Variants in ATRNL1 observed in about 807,000 individuals in gnomAD.
ATRNL1 encodes attractin like 1.
ATRNL1 carries 95 observed loss-of-function variants against 182.7 expected under a neutral mutation model. The ratio of observed to expected loss-of-function variants is 0.52; its 90% CI spans 0.44 to 0.62. The LOEUF (loss-of-function observed/expected upper bound fraction) is 0.62, where lower values mean the gene tolerates loss of function less well. Among genes scored for constraint, ATRNL1 ranks in the 20% least tolerant of loss-of-function variants. The probability of loss-of-function intolerance (pLI) is 0.00; values close to 1 mark genes in which losing one functional copy is unlikely to be tolerated. For missense variants in ATRNL1, 1,471 were observed against 1,679.5 expected (o/e 0.88, Z 2.17); for synonymous variants, 576 against 568.3 (o/e 1.01, Z -0.19).
rs1221036383 is a variant in ATRNL1 at position 115,801,691 on chromosome 10, A to G, written c.3904-46186A>G. 2.6e-5 allele frequency among the ~76,000 whole-genome samples: 4 copies of G among 152,182 alleles called. No homozygotes were observed. In the South Asian group the frequency reaches 8.3e-4, roughly 31 times the overall value. On this transcript the variant is annotated intron_variant, in intron 27 of 28. Transcript: ENST00000355044. ...TTACTTTTTAGCTGTCTTTGTTAAC[A>G]TGACTTTACTGTCCTACTGTCTTCA...
chr10:115,114,610 A>G (rs1317862442), intron 1 of ATRNL1, among the ~76,000 whole-genome samples: 3 of 152,224 alleles, frequency 2.0e-5, no homozygotes, highest in South Asian at 4.1e-4. Flanking sequence ...AAAAGAAAAC[A>G]TACAAAAGGT....
intron 19 of ATRNL1, among the ~76,000 whole-genome samples, chr10:115,361,836 G>A (rs925889602): frequency 6.6e-6 from 1 of 151,896 alleles, no homozygotes; most frequent in Non-Finnish European, 1.5e-5. Flanking sequence ...CTATTTTCTG[G>A]AAGATTCCAG....
Position 115,215,678 on chromosome 10 carries a change from T to C in ATRNL1, c.1349-19T>C, listed in dbSNP as rs1025731828. 1.7e-5 allele frequency: 26 copies of C among 1,549,434 alleles called. 1 individual carries two copies. The East Asian group carries it at 5.2e-4, about 31-fold the overall frequency. On this transcript the variant is annotated intron_variant, in intron 8 of 28. Transcript: ENST00000355044. The stretch of plus-strand genomic sequence containing the variant: ...AAAATACTACTTGAAATTTATAATG[T>C]ATTTTATTTCTGTTACAGCATCAAA...
intron 28 of ATRNL1, among the ~76,000 whole-genome samples, chr10:115,928,962 CAA>C (rs1222067866): frequency 6.6e-6 from 1 of 151,922 alleles, no homozygotes; most frequent in Non-Finnish European, 1.5e-5. Flanking sequence ...TTGTCCAAAA[CAA>C]AGTTATTTTC....
intron 26 of ATRNL1, among the ~76,000 whole-genome samples, chr10:115,707,220 G>C (rs1032938802): frequency 6.6e-6 from 1 of 151,568 alleles, no homozygotes; most frequent in Admixed American, 6.6e-5. Flanking sequence ...CACTCTTATC[G>C]TATCAGTCTA....
chr10:115,724,381 G>A (rs1279963318), intron 26 of ATRNL1, among the ~76,000 whole-genome samples: 4 of 152,024 alleles, frequency 2.6e-5, no homozygotes, highest in Non-Finnish European at 5.9e-5. Flanking sequence ...AAGAAAATGG[G>A]CCTGTGGTAA....
intron 8 of ATRNL1, among the ~76,000 whole-genome samples, chr10:115,214,057 C>T (rs200439187): frequency 1.3e-5 from 2 of 151,164 alleles, no homozygotes; most frequent in East Asian, 1.9e-4. Flanking sequence ...CACACACACA[C>T]ACACACACAC....
At chr10:115,479,190 C>T (rs1384677693) in intron 24 of ATRNL1, among the ~76,000 whole-genome samples, 3 of 151,408 alleles carry the variant, frequency 2.0e-5, no homozygotes, top group African/African-American at 7.3e-5. Context: ...AATACTGTAC[C>T]AAATTTTTGA....
At chr10:115,237,791 C>T (rs1554901818) in intron 9 of ATRNL1, among the ~76,000 whole-genome samples, 1 of 152,072 alleles carries the variant, frequency 6.6e-6, no homozygotes, top group East Asian at 1.9e-4. Context: ...TCTAAAATGT[C>T]ATCACCAAAC....
At chr10:115,231,781 G>A (rs2144523574) in intron 9 of ATRNL1, among the ~76,000 whole-genome samples, 1 of 152,228 alleles carries the variant, frequency 6.6e-6, no homozygotes, top group Admixed American at 6.5e-5. Flanking sequence ...GAGGTGGAGA[G>A]AACTCTTGAA....
Position 115,559,457 on chromosome 10 carries a change from C to G in ATRNL1, c.3795+9921C>G, listed in dbSNP as rs1421393863. 2.1e-5 allele frequency among the ~76,000 whole-genome samples: 3 copies of G among 144,546 alleles called. No individual in the cohort carries two copies. The East Asian group carries it at 7.3e-4, about 35-fold the overall frequency. 94.8% of individuals were successfully genotyped at this position (144,546 alleles called of 152,430 possible). A position where few individuals can be genotyped will look rare whatever the true frequency, so the allele number is the denominator to read the frequency against. ...GTGTGTGTGTGTGCGCGCGCGCACG[C>G]ACGCACATGCGCAACCCTTCTTACG... On this transcript the variant is annotated intron_variant, in intron 26 of 28. Coordinates refer to ENST00000355044, the MANE Select transcript of ATRNL1 (RefSeq NM_207303.4).
At chr10:115,407,411 T>C (rs1225065014) in intron 20 of ATRNL1, among the ~76,000 whole-genome samples, 1 of 152,142 alleles carries the variant, frequency 6.6e-6, no homozygotes, top group Non-Finnish European at 1.5e-5. Context: ...CACTAGTACC[T>C]TCTGTTCTAC....
intron 19 of ATRNL1, among the ~76,000 whole-genome samples, chr10:115,347,007 A>G (rs1856007954): frequency 1.3e-5 from 2 of 152,150 alleles, no homozygotes; most frequent in Non-Finnish European, 2.9e-5. Flanking sequence ...GAATGGCTCT[A>G]TTAGCTCCAA....
chr10:115,282,834 T>C (rs1852432930), intron 14 of ATRNL1, among the ~76,000 whole-genome samples: 2 of 151,940 alleles, frequency 1.3e-5, no homozygotes, highest in African/African-American at 2.4e-5. Context: ...TTATTATTAT[T>C]ATACTTTAAG....
At chr10:115,827,775 T>C (rs1950470043) in intron 27 of ATRNL1, among the ~76,000 whole-genome samples, 1 of 152,136 alleles carries the variant, frequency 6.6e-6, no homozygotes. Context: ...TGTCGAATAC[T>C]GACACAAGGG....
intron 25 of ATRNL1, among the ~76,000 whole-genome samples, chr10:115,541,887 T>C (rs1554992091): frequency 6.6e-6 from 1 of 152,188 alleles, no homozygotes; most frequent in Non-Finnish European, 1.5e-5. Context: ...ATATTGTCTT[T>C]GTGATAATTT....
chr10:115,421,233 A>AT (rs1296000305), intron 20 of ATRNL1, among the ~76,000 whole-genome samples: 16 of 152,150 alleles, frequency 1.1e-4, no homozygotes, highest in Admixed American at 3.3e-4. Flanking sequence ...CCAGACAAAG[A>AT]TAAAAGTATA....
At chr10:115,786,532 T>C (rs1949400503) in intron 27 of ATRNL1, among the ~76,000 whole-genome samples, 1 of 152,170 alleles carries the variant, frequency 6.6e-6, no homozygotes, top group African/African-American at 2.4e-5. Flanking sequence ...CACTTCCTCT[T>C]CCTTCTTATG....
intron 27 of ATRNL1, among the ~76,000 whole-genome samples, chr10:115,816,723 A>G (rs983941997): frequency 6.6e-6 from 1 of 151,934 alleles, no homozygotes; most frequent in African/African-American, 2.4e-5. Flanking sequence ...TAGCAGAACC[A>G]CCTTATAAGA....
Sources: allele counts gnomAD v4.1 joint callset (sites outside exome capture counted in the v4.1 genomes callset), GRCh38; gene constraint gnomAD v4.1.1; transcripts MANE v1.5; gene names NCBI Gene and HGNC (gene_info 2026-07-23, HGNC 2026-07-21).